CMIP: variants seen among roughly 807,000 people sequenced by gnomAD.
CMIP encodes c-Maf inducing protein.
A neutral mutation model predicts 97.3 loss-of-function variants in CMIP; 13 were observed. The ratio of observed to expected loss-of-function variants is 0.13; its 90% CI spans 0.09 to 0.21. The LOEUF (loss-of-function observed/expected upper bound fraction) is 0.21, where lower values mean the gene tolerates loss of function less well. Ranked by LOEUF, CMIP falls within the 10% of genes least tolerant of loss-of-function variation. The pLI is 1.00. For synonymous variants in CMIP, 538 were observed against 436.3 expected (o/e 1.23, Z -2.91); for missense variants, 847 against 1,024.9 (o/e 0.83, Z 2.37).
In CMIP at chr16:81,446,294, A is replaced by G. The variant is rs138799791; in HGVS notation, c.300+753A>G. Among the ~76,000 whole-genome samples, 853 of 152,096 alleles carry G rather than the reference A, an allele frequency of 5.6e-3. 7 individuals are homozygous for G. The highest frequency in any genetic ancestry group is 0.019 in the African/African-American group (800 of 41,472). On this transcript the variant is annotated intron_variant, in intron 1 of 20. Coordinates refer to ENST00000537098, the MANE Select transcript of CMIP (RefSeq NM_198390.3). ...TTGTTGCTGGAGGTTTAATTTTGTT[A>G]TTGTTTTTAAATACATGGGTAGGAC...
At chr16:81,553,832 T>C (rs2090709453) in intron 1 of CMIP, among the ~76,000 whole-genome samples, 1 of 152,188 alleles carries the variant, frequency 6.6e-6, no homozygotes, top group African/African-American at 2.4e-5. Flanking sequence ...GATAGACAAA[T>C]TGCTGGTGGA....
At chr16:81,595,135 A>G (rs1281891957) in intron 1 of CMIP, among the ~76,000 whole-genome samples, 1 of 151,912 alleles carries the variant, frequency 6.6e-6, no homozygotes, top group Non-Finnish European at 1.5e-5. Flanking sequence ...ATCTCAGATT[A>G]GGGAGGACTG....
At chr16:81,544,924 A>C (rs2090517018) in intron 1 of CMIP, among the ~76,000 whole-genome samples, 1 of 152,104 alleles carries the variant, frequency 6.6e-6, no homozygotes, top group Non-Finnish European at 1.5e-5. Context: ...GACAAAGTTC[A>C]ACCCCTCATT....
chr16:81,624,705 G>A (rs78890981), intron 3 of CMIP, among the ~76,000 whole-genome samples: 7,943 of 152,268 alleles, frequency 0.052, 254 homozygotes, highest in Non-Finnish European at 0.069. Flanking sequence ...TTATTCTTGA[G>A]TATTTCTTCC....
intron 1 of CMIP, among the ~76,000 whole-genome samples, chr16:81,465,852 G>C (rs1309406662): frequency 6.6e-6 from 1 of 152,224 alleles, no homozygotes; most frequent in African/African-American, 2.4e-5. Context: ...AGGGTCTTCT[G>C]GGTGTCAGGT....
At chr16:81,605,511 ACCCCTGGGAGGAATCCCTGAG>A (rs376419161) in intron 1 of CMIP, among the ~76,000 whole-genome samples, 73 of 152,164 alleles carry the variant, frequency 4.8e-4, no homozygotes, top group African/African-American at 1.7e-3. Flanking sequence ...GCTCCTGCAA[ACCCCTGGGAGGAATCCCTGAG>A]CCCCTAGGTG....
intron 6 of CMIP, among the ~76,000 whole-genome samples, chr16:81,662,966 A>T (rs2092563706): frequency 6.6e-6 from 1 of 152,170 alleles, no homozygotes; most frequent in Non-Finnish European, 1.5e-5. Context: ...GCTTTACAGA[A>T]GTCTCATTAT....
At chr16:81,579,904 C>T (rs148273973) in intron 1 of CMIP, among the ~76,000 whole-genome samples, 4,415 of 152,148 alleles carry the variant, frequency 0.029, 165 homozygotes, top group African/African-American at 0.081. Context: ...TGCAGTGAGC[C>T]GAGATCGCAC....
chr16:81,522,061 G>A (rs749170950), intron 1 of CMIP, among the ~76,000 whole-genome samples: 8 of 152,178 alleles, frequency 5.3e-5, no homozygotes, highest in Non-Finnish European at 7.4e-5. Context: ...AAGTGCAGAC[G>A]GATGAGGTTT....
intron 3 of CMIP, among the ~76,000 whole-genome samples, chr16:81,645,961 T>C (rs932903113): frequency 1.6e-4 from 25 of 152,144 alleles, no homozygotes; most frequent in African/African-American, 6.0e-4. Context: ...GCTTGTCTGC[T>C]TTGTTCACCA....
Position 81,482,104 on chromosome 16 carries a change from A to G in CMIP, c.300+36563A>G, listed in dbSNP as rs181848314. ...ATGTTGGCCAGGGTGGTTTCGAACT[A>G]CTGACCGCAAGTGATCCACCCTCCT... On this transcript the variant is annotated intron_variant, in intron 1 of 20. Transcript: ENST00000537098. Among the ~76,000 whole-genome samples the G allele has an allele frequency of 1.0e-3, 152 of 152,082 alleles. 3 individuals are homozygous for G. The East Asian group carries it at 0.021, about 21-fold the overall frequency.
intron 1 of CMIP, among the ~76,000 whole-genome samples, chr16:81,466,603 T>G (rs1386875137): frequency 1.3e-5 from 2 of 152,192 alleles, no homozygotes; most frequent in African/African-American, 2.4e-5. Context: ...TTCTTATTGG[T>G]ATTACTTACG....
intron 3 of CMIP, chr16:81,645,722 C>A: frequency 8.5e-7 from 1 of 1,180,778 alleles, no homozygotes; most frequent in Non-Finnish European, 1.2e-6. Context: ...GGGGCTTGGG[C>A]TCGGATGTGG....
At chr16:81,562,091 G>T (rs981954737) in intron 1 of CMIP, among the ~76,000 whole-genome samples, 2 of 152,218 alleles carry the variant, frequency 1.3e-5, no homozygotes, top group East Asian at 3.8e-4. Flanking sequence ...AGGAAGGGAA[G>T]TGAGGGTTCC....
intron 1 of CMIP, chr16:81,476,256 G>A: frequency 6.5e-7 from 1 of 1,538,470 alleles, no homozygotes; most frequent in South Asian, 1.1e-5. Context: ...GCTTTAGGAT[G>A]AAGTTCTCAT....
At chr16:81,501,619 T>C (rs906608674) in intron 1 of CMIP, among the ~76,000 whole-genome samples, 20 of 149,624 alleles carry the variant, frequency 1.3e-4, no homozygotes, top group Non-Finnish European at 2.4e-4. Flanking sequence ...TTTTTTTTTT[T>C]TTTTTTTTCT....
At chr16:81,654,769 G>C (rs1243075779) in intron 4 of CMIP, among the ~76,000 whole-genome samples, 1 of 152,208 alleles carries the variant, frequency 6.6e-6, no homozygotes, top group Non-Finnish European at 1.5e-5. Context: ...ATTAAGTGTT[G>C]GGCCAGGACC....
intron 1 of CMIP, among the ~76,000 whole-genome samples, chr16:81,521,571 A>G (rs1208637837): frequency 6.6e-6 from 1 of 151,996 alleles, no homozygotes; most frequent in African/African-American, 2.4e-5. Context: ...ACCTGAGGGG[A>G]GGGTGCTTAT....
chr16:81,672,168 G>C, intron 9 of CMIP, 98 bp downstream of exon 9: 1 of 691,736 alleles, frequency 1.4e-6, no homozygotes, highest in Non-Finnish European at 2.6e-6. Flanking sequence ...GGCCAGAGAG[G>C]TGGAGTGGCT....
Sources: allele counts gnomAD v4.1 joint callset (sites outside exome capture counted in the v4.1 genomes callset), GRCh38; gene constraint gnomAD v4.1.1; transcripts MANE v1.5; gene names NCBI Gene and HGNC (gene_info 2026-07-23, HGNC 2026-07-21).